The following TTC7B variants were observed in gnomAD, a reference collection of about 807,000 sequenced individuals.
The protein encoded by TTC7B is tetratricopeptide repeat domain 7B.
TTC7B carries 28 observed loss-of-function variants against 106.8 expected under a neutral mutation model. That is an observed-to-expected ratio of 0.26 (90% CI 0.19 to 0.36). The LOEUF (loss-of-function observed/expected upper bound fraction) is 0.36. Ranked by LOEUF, TTC7B falls within the 10% of genes least tolerant of loss-of-function variation. The pLI is 1.00. For missense variants in TTC7B, 862 were observed against 1,076.4 expected (o/e 0.80, Z 2.79); for synonymous variants, 405 against 430.6 (o/e 0.94, Z 0.74).
chr14:90,746,456 T>C (rs979454980), intron 3 of TTC7B, among the ~76,000 whole-genome samples: 7 of 152,188 alleles, frequency 4.6e-5, no homozygotes, highest in African/African-American at 1.7e-4. Context: ...GCAATTTCTA[T>C]CTTTTCTTCC....
rs1366266816 is a variant in TTC7B at position 90,805,480 on chromosome 14, G to A, written c.121+10695C>T. Among the ~76,000 whole-genome samples, 1 of 152,136 alleles carries A rather than the reference G, an allele frequency of 6.6e-6. No homozygotes were observed. The highest frequency in any genetic ancestry group is 1.5e-5 in the Non-Finnish European group (1 of 68,014). On this transcript the variant is annotated intron_variant, in intron 1 of 19. Transcript: ENST00000328459. The surrounding 1 kb of genome is among the most constrained non-coding windows in gnomAD (Gnocchi z 4.0). ...AGAGTTTCACCATGTTGGCCGGGCT[G>A]GTCTCGAAATCCTCACCTCAGGGGA...
chr14:90,755,421 G>A (rs1890257931), intron 3 of TTC7B, among the ~76,000 whole-genome samples: 1 of 152,228 alleles, frequency 6.6e-6, no homozygotes, highest in Admixed American at 6.5e-5. Context: ...GTCAAGGCAA[G>A]AGGATTACTT....
intron 17 of TTC7B, among the ~76,000 whole-genome samples, chr14:90,607,340 C>CTGTGG (rs1320265551): frequency 3.9e-5 from 6 of 152,188 alleles, no homozygotes; most frequent in Non-Finnish European, 5.9e-5. Context: ...TGGCTGTGCA[C>CTGTGG]CCTCACGGAT....
intron 19 of TTC7B, among the ~76,000 whole-genome samples, chr14:90,561,236 C>T (rs1004320007): frequency 1.3e-5 from 2 of 152,226 alleles, no homozygotes; most frequent in South Asian, 2.1e-4. Context: ...GGGGCTGGGC[C>T]GGCAGCTTCT....
intron 4 of TTC7B, among the ~76,000 whole-genome samples, chr14:90,743,960 C>A (rs1889862459): frequency 6.6e-6 from 1 of 152,170 alleles, no homozygotes. Flanking sequence ...GCTCAGAGGC[C>A]CTCTTGTCAG....
At chr14:90,790,519 T>G (rs898060041) in intron 1 of TTC7B, among the ~76,000 whole-genome samples, 4 of 152,156 alleles carry the variant, frequency 2.6e-5, no homozygotes, top group African/African-American at 7.2e-5. Context: ...ACTTCATTGA[T>G]TCTGGGAAGC....
rs558464306 is a variant in TTC7B, at chr14:90,621,213, C to T, written c.1752-3168G>A. Among the ~76,000 whole-genome samples the T allele has an allele frequency of 5.8e-4, 85 of 147,084 alleles. 2 individuals carry two copies. In the East Asian group the frequency reaches 0.011, roughly 20 times the overall value. ...AGAGGCCACGTGGGTATGGCTGGGA[C>T]GATGGGCAGAAGCCACGCAGGTAGG... On this transcript the variant is annotated intron_variant, in intron 15 of 19. Coordinates refer to ENST00000328459, the MANE Select transcript of TTC7B (RefSeq NM_001010854.2).
chr14:90,767,559 C>T (rs1010523441), intron 3 of TTC7B, among the ~76,000 whole-genome samples: 5 of 152,172 alleles, frequency 3.3e-5, no homozygotes, highest in Non-Finnish European at 5.9e-5. Flanking sequence ...TCTCACCTTC[C>T]ACCATGGGAA....
intron 5 of TTC7B, among the ~76,000 whole-genome samples, chr14:90,700,372 C>T (rs936754937): frequency 6.6e-6 from 1 of 152,110 alleles, no homozygotes; most frequent in African/African-American, 2.4e-5. Context: ...CACTTTATAC[C>T]TTTCCATACT....
chr14:90,789,671 T>C (rs1481899463), intron 1 of TTC7B, among the ~76,000 whole-genome samples: 3 of 151,788 alleles, frequency 2.0e-5, no homozygotes, highest in Non-Finnish European at 4.4e-5. Context: ...CCAGGGCAGG[T>C]GGATCATGAG....
At chr14:90,623,215 T>C (rs903702192) in intron 15 of TTC7B, among the ~76,000 whole-genome samples, 1 of 152,220 alleles carries the variant, frequency 6.6e-6, no homozygotes, top group East Asian at 1.9e-4. Context: ...AGGAAACTTC[T>C]GCTTTGAAGA....
intron 19 of TTC7B, among the ~76,000 whole-genome samples, chr14:90,551,859 C>T (rs1890094301): frequency 1.3e-5 from 2 of 152,198 alleles, no homozygotes; most frequent in Admixed American, 1.3e-4. Flanking sequence ...CCCTGAGCCC[C>T]ACCCCGCTTT....
Position 90,534,297 on chromosome 14 carries a change from G to C in TTC7B, c.*7071C>G, listed in dbSNP as rs933497524. ...TGGGAGGAATGTTAGTGGCGGGAAC[G>C]GCCGCAGCCCTAAGGCTCAGCCCTG... On this transcript the variant is annotated 3_prime_UTR_variant, in exon 20 of 20. Coordinates refer to ENST00000328459, the MANE Select transcript of TTC7B (RefSeq NM_001010854.2). 6.6e-6 allele frequency: 1 copy of C among 152,246 alleles called. No individual in the cohort carries two copies. The highest frequency in any genetic ancestry group is 1.5e-5 in the Non-Finnish European group (1 of 68,086). The allele number at this position is 152,246 out of a possible 1,614,324, so 9.4% of individuals were successfully genotyped here.
At chr14:90,729,092 G>A (rs1889225525) in intron 5 of TTC7B, among the ~76,000 whole-genome samples, 1 of 152,222 alleles carries the variant, frequency 6.6e-6, no homozygotes, top group Non-Finnish European at 1.5e-5. Flanking sequence ...TGTAGGCCAT[G>A]TGGACCTCAG....
At chr14:90,603,540 G>T (rs1195543983) in intron 17 of TTC7B, among the ~76,000 whole-genome samples, 1 of 152,118 alleles carries the variant, frequency 6.6e-6, no homozygotes, top group Non-Finnish European at 1.5e-5. Flanking sequence ...CCCAGCACAT[G>T]AAAGCTGACC....
chr14:90,643,067 CT>C (rs1275551951), intron 15 of TTC7B, among the ~76,000 whole-genome samples: 8 of 152,150 alleles, frequency 5.3e-5, no homozygotes, highest in African/African-American at 1.7e-4. Context: ...TAATAGCCCC[CT>C]GAGCAATAAT....
chr14:90,747,634 G>A (rs544236426), intron 3 of TTC7B, among the ~76,000 whole-genome samples: 14 of 152,264 alleles, frequency 9.2e-5, no homozygotes, highest in African/African-American at 3.4e-4. Context: ...ATGTCGATTA[G>A]GTCAAGTTGG....
intron 3 of TTC7B, chr14:90,766,780 T>C: frequency 1.9e-6 from 3 of 1,577,832 alleles, no homozygotes; most frequent in Non-Finnish European, 2.6e-6. Flanking sequence ...AGACTGGTTC[T>C]TGAACACACA....
chr14:90,732,097 C>G (rs1481905155), intron 4 of TTC7B, among the ~76,000 whole-genome samples: 1 of 151,964 alleles, frequency 6.6e-6, no homozygotes, highest in Non-Finnish European at 1.5e-5. Flanking sequence ...ATGTATCAAG[C>G]AGAGAAAGAT....
Sources: gnomAD v4.1 joint callset for allele counts (sites outside exome capture counted in the v4.1 genomes callset) on GRCh38, gnomAD v4.1.1 for gene constraint, Gnocchi (gnomAD v3.1) non-coding constraint, MANE v1.5 for transcripts, NCBI Gene and HGNC (gene_info 2026-07-23, HGNC 2026-07-21) for gene names.